Variants in STYK1 observed in about 807,000 individuals in gnomAD.
STYK1 encodes the protein tyrosine-protein kinase STYK1.
In STYK1, 46 loss-of-function variants were observed where a neutral mutation model predicts 48.1. That is an observed-to-expected ratio of 0.96 (90% CI 0.75 to 1.22). STYK1 has a LOEUF of 1.22. Ranked by LOEUF, STYK1 falls within the 50% of genes most tolerant of loss-of-function variation. The pLI is 0.00. For synonymous variants in STYK1, 188 were observed against 189.0 expected (o/e 0.99, Z 0.04); for missense variants, 527 against 521.1 (o/e 1.01, Z -0.11).
chr12:10,643,763 G>A (rs1027852039), intron 1 of STYK1, among the ~76,000 whole-genome samples: 8 of 152,152 alleles, frequency 5.3e-5, no homozygotes, highest in Admixed American at 3.9e-4. Context: ...GGCCTTGGAT[G>A]GGAACAGAGC....
intron 1 of STYK1, among the ~76,000 whole-genome samples, chr12:10,651,861 GTTCTA>G (rs550942432): frequency 2.4e-4 from 28 of 115,386 alleles, no homozygotes; most frequent in Middle Eastern, 4.4e-3. Context: ...ATTGTCAATT[GTTCTA>G]TTCTTTTTTT....
chr12:10,668,169 T>C (rs779071891), intron 1 of STYK1, among the ~76,000 whole-genome samples: 4 of 152,062 alleles, frequency 2.6e-5, no homozygotes, highest in Non-Finnish European at 5.9e-5. Flanking sequence ...CCAGTCAAAC[T>C]CTACCCTCCA....
At chr12:10,661,220 C>T (rs1289011686) in intron 1 of STYK1, among the ~76,000 whole-genome samples, 3 of 152,130 alleles carry the variant, frequency 2.0e-5, no homozygotes, top group Non-Finnish European at 1.5e-5. Context: ...AAGTTTTTGC[C>T]TAATTTTTAT....
At chr12:10,663,789 G>C (rs557589997) in intron 1 of STYK1, among the ~76,000 whole-genome samples, 2 of 150,110 alleles carry the variant, frequency 1.3e-5, no homozygotes, top group African/African-American at 2.4e-5. Context: ...TAAGGATGTA[G>C]ATCAATTTGG....
intron 1 of STYK1, among the ~76,000 whole-genome samples, chr12:10,655,898 G>C (rs112322789): frequency 1.8e-4 from 27 of 152,238 alleles, no homozygotes; most frequent in African/African-American, 6.3e-4. Context: ...ATATTTAAAA[G>C]GTTTTTATGT....
Position 10,634,051 on chromosome 12 carries a change from C to T in STYK1, c.126G>A (p.Gly42=), listed in dbSNP as rs144023009. Residue 42 remains glycine, a synonymous_variant, in exon 4 of 11, where the codon GGG becomes GGA. Coordinates refer to ENST00000075503, the MANE Select transcript of STYK1 (RefSeq NM_018423.3). ...CTCTGATAAAAAGCCACAGGATGAC[C>T]CCAAGAAGGATGAGGAAGATAGTAA... ...LLVTIFLILL[G]VILWLFIREQ... is the part of the protein sequence containing the mutation. 3.9e-4 allele frequency: 634 copies of T among 1,614,036 alleles called. No individual in the cohort carries two copies. In the African/African-American group the frequency reaches 6.1e-3, roughly 16 times the overall value.
chr12:10,659,824 A>G (rs1387637183), intron 1 of STYK1, among the ~76,000 whole-genome samples: 1 of 152,202 alleles, frequency 6.6e-6, no homozygotes, highest in Non-Finnish European at 1.5e-5. Flanking sequence ...CAAACAAATC[A>G]GTTCTATTAT....
intron 7 of STYK1, among the ~76,000 whole-genome samples, chr12:10,625,343 A>G (rs1947345400): frequency 1.3e-5 from 2 of 151,960 alleles, no homozygotes; most frequent in South Asian, 2.1e-4. Flanking sequence ...TCAGCCTCCC[A>G]AGTAGCTGGG....
In STYK1 at chr12:10,619,824, A is replaced by T; in HGVS notation, c.*320T>A. 2.4e-6 allele frequency: 1 copy of T among 417,796 alleles called. No individual in the cohort carries two copies. The highest frequency in any genetic ancestry group is 4.2e-6 in the Non-Finnish European group (1 of 237,816). The allele number at this position is 417,796 out of a possible 1,614,324, so 25.9% of individuals were successfully genotyped here. A position where few individuals can be genotyped will look rare whatever the true frequency, so the allele number is the denominator to read the frequency against. On this transcript the variant is annotated 3_prime_UTR_variant, in exon 11 of 11. Coordinates refer to ENST00000075503, the MANE Select transcript of STYK1 (RefSeq NM_018423.3). ...TGGTTCCAGAGGAAACTAGCCTCGG[A>T]CGGGAGGGATGAGCTTATTTGTGCC...
chr12:10,654,072 C>T (rs932285581), intron 1 of STYK1, among the ~76,000 whole-genome samples: 3 of 152,166 alleles, frequency 2.0e-5, no homozygotes, highest in Admixed American at 6.5e-5. Flanking sequence ...TCTGGTCATC[C>T]TCACTGCTCA....
intron 6 of STYK1, among the ~76,000 whole-genome samples, chr12:10,628,931 T>G (rs970435305): frequency 6.6e-6 from 1 of 152,160 alleles, no homozygotes; most frequent in Admixed American, 6.5e-5. Context: ...TTGTTATATA[T>G]AAACAATATA....
At chr12:10,649,424 T>TAAA (rs1338074603) in intron 1 of STYK1, among the ~76,000 whole-genome samples, 1 of 152,166 alleles carries the variant, frequency 6.6e-6, no homozygotes, top group East Asian at 1.9e-4. Context: ...ACAAAAATGT[T>TAAA]TAATAAACAG....
chr12:10,669,826 T>C (rs1363760605), intron 1 of STYK1, among the ~76,000 whole-genome samples: 1 of 152,134 alleles, frequency 6.6e-6, no homozygotes, highest in Non-Finnish European at 1.5e-5. Flanking sequence ...AGGACCTGAA[T>C]AGACATTTCT....
intron 1 of STYK1, among the ~76,000 whole-genome samples, chr12:10,647,079 C>T (rs996758070): frequency 2.6e-5 from 4 of 152,188 alleles, no homozygotes; most frequent in South Asian, 2.1e-4. Flanking sequence ...AATGTGGGGT[C>T]GAGCCCCCAC....
chr12:10,654,629 A>T (rs1204919588), intron 1 of STYK1, among the ~76,000 whole-genome samples: 1 of 152,150 alleles, frequency 6.6e-6, no homozygotes, highest in East Asian at 1.9e-4. Context: ...CTCTCCTAAG[A>T]CAGAGAGGGT....
chr12:10,665,119 T>A (rs910716325), intron 1 of STYK1, among the ~76,000 whole-genome samples: 1 of 152,154 alleles, frequency 6.6e-6, no homozygotes, highest in Non-Finnish European at 1.5e-5. Context: ...GGGAGCTGCT[T>A]GGGCTTCAAG....
intron 4 of STYK1, among the ~76,000 whole-genome samples, chr12:10,633,064 A>T (rs1947446870): frequency 6.6e-6 from 1 of 152,258 alleles, no homozygotes; most frequent in Non-Finnish European, 1.5e-5. Flanking sequence ...TAGAAAATGT[A>T]TTTGAATCCA....
At chr12:10,664,880 G>C (rs1375528149) in intron 1 of STYK1, among the ~76,000 whole-genome samples, 1 of 152,004 alleles carries the variant, frequency 6.6e-6, no homozygotes, top group Admixed American at 6.5e-5. Flanking sequence ...CCCCATTTTT[G>C]TAATAGGAAA....
chr12:10,673,831 C>G (rs1947914349), intron 1 of STYK1, 135 bp downstream of exon 1: 1 of 152,350 alleles, frequency 6.6e-6, no homozygotes, highest in Non-Finnish European at 1.5e-5. Context: ...CACATAAACA[C>G]CCGTTCCGCT....
Sources: allele counts gnomAD v4.1 joint callset (sites outside exome capture counted in the v4.1 genomes callset), GRCh38; gene constraint gnomAD v4.1.1; transcripts MANE v1.5; gene names NCBI Gene and HGNC (gene_info 2026-07-23, HGNC 2026-07-21).